Variants in CCDC171 observed in about 807,000 individuals in gnomAD.
CCDC171 encodes the protein coiled-coil domain containing 171, also known as coiled-coil domain-containing protein 171.
CCDC171 carries 177 observed loss-of-function variants against 168.2 expected under a neutral mutation model. The observed-to-expected ratio is 1.05, with a 90% confidence interval of 0.93 to 1.19. The LOEUF (loss-of-function observed/expected upper bound fraction) is 1.19. Among genes scored for constraint, CCDC171 ranks in the 50% most tolerant of loss-of-function variants. The pLI is 0.00. For missense variants in CCDC171, 1,991 were observed against 1,539.0 expected (o/e 1.29, Z -4.91); for synonymous variants, 687 against 540.8 (o/e 1.27, Z -3.75).
At chr9:15,717,051 CT>C (rs1211789624) in intron 11 of CCDC171, among the ~76,000 whole-genome samples, 1 of 152,168 alleles carries the variant, frequency 6.6e-6, no homozygotes, top group Non-Finnish European at 1.5e-5. Context: ...GTCACAGTAC[CT>C]GTTTTAAACT....
chr9:15,733,497 G>A lies in CCDC171; in HGVS notation c.2049+3699G>A, dbSNP rs557959902. Among the ~76,000 whole-genome samples the A allele has an allele frequency of 7.8e-5, 11 of 140,694 alleles. No homozygotes were observed. The South Asian group carries it at 1.3e-3, about 17-fold the overall frequency. The allele number at this position is 140,694 out of a possible 152,430, so 92.3% of individuals were successfully genotyped here. On this transcript the variant is annotated intron_variant, in intron 16 of 25. Coordinates refer to ENST00000380701, the MANE Select transcript of CCDC171 (RefSeq NM_173550.4). The stretch of plus-strand genomic sequence containing the variant: ...AGGTCAGTTTTTTTTTTTTTTTTGC[G>A]TATTCATGTCCATTCCAGTAACATT...
At position 15,820,924 on chromosome 9, in the gene CCDC171, G is replaced by T. The variant is rs1356251044; in HGVS notation, c.3268-25778G>T. 1.7e-5 allele frequency among the ~76,000 whole-genome samples: 2 copies of T among 117,096 alleles called. 1 individual carries two copies. Among genetic ancestry groups the T allele is most frequent in the African/African-American group, 6.4e-5 (2 of 31,046 alleles). The allele number at this position is 117,096 out of a possible 152,430, so 76.8% of individuals were successfully genotyped here. On this transcript the variant is annotated intron_variant, in intron 21 of 25. Transcript: ENST00000380701. ...ACCAATGTCCTTGATGAACATTGAT[G>T]CAAAAATCCTCAATAAAATACTGGC...
intron 1 of CCDC171, among the ~76,000 whole-genome samples, chr9:16,046,536 A>G (rs1833663472): frequency 6.6e-6 from 1 of 152,084 alleles, no homozygotes; most frequent in African/African-American, 2.4e-5. Flanking sequence ...TATGGTTTGG[A>G]TCTGTGTCCC....
chr9:15,751,915 T>C (rs36013000), intron 18 of CCDC171, among the ~76,000 whole-genome samples: 69,647 of 151,916 alleles, frequency 0.46, 16,288 homozygotes, highest in Non-Finnish European at 0.5. Flanking sequence ...AAATGGAATC[T>C]AATTAAACTG....
intron 3 of CCDC171, among the ~76,000 whole-genome samples, chr9:15,574,573 C>T (rs1394741000): frequency 1.3e-5 from 2 of 152,194 alleles, no homozygotes; most frequent in African/African-American, 4.8e-5. Context: ...GCCATTGAGC[C>T]ACTGTGCCTG....
chr9:16,042,118 C>T (rs145591205), upstream of CCDC171, among the ~76,000 whole-genome samples: 371 of 152,292 alleles, frequency 2.4e-3, 1 homozygote, highest in African/African-American at 8.5e-3. Context: ...GCTAGTTCGT[C>T]GTGGAGCAAG....
chr9:15,582,990 G>A (rs1327560823), intron 4 of CCDC171, among the ~76,000 whole-genome samples: 1 of 151,320 alleles, frequency 6.6e-6, no homozygotes, highest in Non-Finnish European at 1.5e-5. Context: ...CCCACTACTG[G>A]GTATCTTCCC....
At chr9:15,775,553 C>T (rs1238735011) in intron 18 of CCDC171, among the ~76,000 whole-genome samples, 3 of 152,038 alleles carry the variant, frequency 2.0e-5, no homozygotes, top group Admixed American at 6.6e-5. Flanking sequence ...CTCCTGACCT[C>T]GTGATCTGCC....
intron 4 of CCDC171, among the ~76,000 whole-genome samples, chr9:15,590,131 G>A (rs2041874360): frequency 1.3e-5 from 2 of 152,154 alleles, no homozygotes; most frequent in Admixed American, 1.3e-4. Flanking sequence ...AGTCAAAATG[G>A]CCTCAAACTA....
intron 4 of CCDC171, among the ~76,000 whole-genome samples, chr9:15,585,499 G>T (rs961675820): frequency 3.9e-5 from 6 of 152,120 alleles, no homozygotes; most frequent in Non-Finnish European, 8.8e-5. Context: ...ATCCTGTATG[G>T]TTCCATTAAC....
rs2059642428 is a variant in CCDC171 at position 15,818,489 on chromosome 9, A to G, written c.3268-28213A>G. Reference sequence around the variant, plus strand: ...TGGCTAACTAGAATAACCAATGCAGAGAAGTCCTTAAAGGACCTGATGAAG... The same window carrying G: ...TGGCTAACTAGAATAACCAATGCAGGGAAGTCCTTAAAGGACCTGATGAAG... On this transcript the variant is annotated intron_variant, in intron 21 of 25. Coordinates refer to ENST00000380701, the MANE Select transcript of CCDC171 (RefSeq NM_173550.4). 1.7e-5 allele frequency among the ~76,000 whole-genome samples: 2 copies of G among 118,322 alleles called. 1 individual carries two copies. Among genetic ancestry groups the G allele is most frequent in the Non-Finnish European group, 3.8e-5 (2 of 52,598 alleles). The allele number at this position is 118,322 out of a possible 152,430, so 77.6% of individuals were successfully genotyped here. A position where few individuals can be genotyped will look rare whatever the true frequency, so the allele number is the denominator to read the frequency against.
intron 1 of CCDC171, among the ~76,000 whole-genome samples, chr9:16,057,964 G>C (rs1178341926): frequency 6.6e-6 from 1 of 151,794 alleles, no homozygotes; most frequent in Non-Finnish European, 1.5e-5. Context: ...TGAATCTCCT[G>C]AATGTTTTCA....
the CCDC171 span, among the ~76,000 whole-genome samples, chr9:16,086,205 T>C: frequency 1.3e-5 from 2 of 152,230 alleles, no homozygotes; most frequent in South Asian, 4.1e-4. Flanking sequence ...TCCAGGAATT[T>C]ATCCATTTCG....
chr9:15,804,461 C>T (rs1403449068), intron 21 of CCDC171, among the ~76,000 whole-genome samples: 4 of 114,540 alleles, frequency 3.5e-5, no homozygotes, highest in African/African-American at 1.3e-4. Flanking sequence ...TTATCGAAGG[C>T]CTTTTTTTTT....
chr9:15,745,778 C>A, intron 18 of CCDC171, 147 bp downstream of exon 18: 1 of 447,870 alleles, frequency 2.2e-6, no homozygotes, highest in Non-Finnish European at 3.9e-6. Context: ...AGATTGTTAA[C>A]TCTGTACTTA....
intron 24 of CCDC171, among the ~76,000 whole-genome samples, chr9:15,906,635 C>G (rs1822668461): frequency 6.6e-6 from 1 of 152,184 alleles, no homozygotes. Flanking sequence ...CCCTCTCTCA[C>G]CACTCCTATT....
At chr9:15,664,247 A>G (rs1337985522) in intron 8 of CCDC171, among the ~76,000 whole-genome samples, 1 of 151,830 alleles carries the variant, frequency 6.6e-6, no homozygotes, top group Non-Finnish European at 1.5e-5. Flanking sequence ...ACACTTTTAC[A>G]CCTTAATTTA....
intron 13 of CCDC171, among the ~76,000 whole-genome samples, chr9:15,724,181 A>G (rs2134233312): frequency 6.6e-6 from 1 of 152,298 alleles, no homozygotes; most frequent in Admixed American, 6.5e-5. Flanking sequence ...CCAGGACTAT[A>G]GTTTATTTTA....
intron 21 of CCDC171, among the ~76,000 whole-genome samples, chr9:15,797,402 G>T (rs2058611541): frequency 6.6e-6 from 1 of 152,086 alleles, no homozygotes; most frequent in Non-Finnish European, 1.5e-5. Context: ...TTTTTGTAGA[G>T]ACGGGGTTTC....
Sources: gnomAD v4.1 joint callset for allele counts (sites outside exome capture counted in the v4.1 genomes callset) on GRCh38, gnomAD v4.1.1 for gene constraint, MANE v1.5 for transcripts, NCBI Gene and HGNC (gene_info 2026-07-23, HGNC 2026-07-21) for gene names.